Variants in MLIP observed in about 807,000 individuals in gnomAD.
The protein encoded by MLIP is muscular LMNA interacting protein, also known as muscular LMNA-interacting protein.
MLIP carries 79 observed loss-of-function variants against 84.8 expected under a neutral mutation model. The ratio of observed to expected loss-of-function variants is 0.93; its 90% CI spans 0.78 to 1.12. MLIP has a LOEUF of 1.12. Ranked by LOEUF, MLIP falls within the 50% of genes most tolerant of loss-of-function variation. MLIP has a pLI of 0.00. For synonymous variants in MLIP, 504 were observed against 463.0 expected (o/e 1.09, Z -1.14); for missense variants, 1,257 against 1,160.6 (o/e 1.08, Z -1.21).
At chr6:54,113,740 C>T (rs994105300) in intron 1 of MLIP, among the ~76,000 whole-genome samples, 4 of 152,076 alleles carry the variant, frequency 2.6e-5, no homozygotes, top group African/African-American at 9.7e-5. Flanking sequence ...TTAATAAACT[C>T]TCATATCATA....
At chr6:54,055,765 T>C (rs1266192282) in intron 1 of MLIP, among the ~76,000 whole-genome samples, 1 of 152,032 alleles carries the variant, frequency 6.6e-6, no homozygotes, top group Non-Finnish European at 1.5e-5. Flanking sequence ...AAATGGGGAA[T>C]ATTGGAAGGA....
chr6:54,156,143 C>T (rs535045520), intron 5 of MLIP, among the ~76,000 whole-genome samples: 72 of 151,816 alleles, frequency 4.7e-4, no homozygotes, highest in African/African-American at 1.6e-3. Context: ...AAATTTTGGA[C>T]GATAGAAAAA....
chr6:54,185,583 A>C (rs1777313385), intron 9 of MLIP, among the ~76,000 whole-genome samples: 1 of 152,204 alleles, frequency 6.6e-6, no homozygotes, highest in South Asian at 2.1e-4. Flanking sequence ...ATTTAGTACA[A>C]TATACTAAAA....
chr6:54,235,619 CCTAA>C (rs1781310773), intron 12 of MLIP, among the ~76,000 whole-genome samples: 1 of 152,108 alleles, frequency 6.6e-6, no homozygotes, highest in Non-Finnish European at 1.5e-5. Context: ...TCTACAACTA[CCTAA>C]CTTTTTCACT....
chr6:54,230,715 A>G lies in MLIP; in HGVS notation c.2720A>G (p.Asp907Gly), dbSNP rs766977276. 4 of 1,613,874 alleles carry G rather than the reference A, an allele frequency of 2.5e-6. No homozygotes were observed. The highest frequency in any genetic ancestry group is 2.7e-5 in the African/African-American group (2 of 75,002). ...EDNSDLFSEQ[D>G]VTVPPKPVSL... ...TATGCCTTTCTTCTTCCCCACCAGG[A>G]TGTAACAGTCCCTCCCAAGCCTGTC... Residue 907 changes from aspartate to glycine, a missense_variant and splice_region_variant, in exon 12 of 14, where the codon GAT becomes GGT. Coordinates refer to ENST00000502396, the MANE Select transcript of MLIP (RefSeq NM_001281747.2).
At chr6:54,216,560 A>T in intron 11 of MLIP, 1 of 982,828 alleles carries the variant, frequency 1.0e-6, no homozygotes, top group Non-Finnish European at 1.2e-6. Flanking sequence ...TTAAGCACTA[A>T]GTTATCCAAA....
At chr6:54,129,931 A>C (rs1771243504) in intron 3 of MLIP, among the ~76,000 whole-genome samples, 2 of 152,092 alleles carry the variant, frequency 1.3e-5, no homozygotes, top group Non-Finnish European at 2.9e-5. Flanking sequence ...GAGGCCCTAC[A>C]TTCTTTTAGG....
At chr6:54,233,955 G>A (rs1437917973) in intron 12 of MLIP, among the ~76,000 whole-genome samples, 2 of 152,134 alleles carry the variant, frequency 1.3e-5, no homozygotes, top group Non-Finnish European at 2.9e-5. Flanking sequence ...CAGTGATGAT[G>A]AGCTTTTCTT....
intron 1 of MLIP, among the ~76,000 whole-genome samples, chr6:54,074,344 T>C (rs955399684): frequency 6.6e-6 from 1 of 152,134 alleles, no homozygotes; most frequent in Non-Finnish European, 1.5e-5. Flanking sequence ...AGACTTGGTG[T>C]GGGAGGTGAG....
chr6:54,211,631 G>A (rs1217700721), intron 11 of MLIP, among the ~76,000 whole-genome samples: 2 of 152,228 alleles, frequency 1.3e-5, no homozygotes, highest in Non-Finnish European at 2.9e-5. Flanking sequence ...TCAGTGAAAT[G>A]AGGGGATGGC....
chr6:54,221,151 A>G (rs559291939), intron 11 of MLIP, among the ~76,000 whole-genome samples: 17 of 152,110 alleles, frequency 1.1e-4, no homozygotes, highest in Non-Finnish European at 2.2e-4. Flanking sequence ...GGCACAGACA[A>G]GTTGCCATGG....
intron 9 of MLIP, among the ~76,000 whole-genome samples, chr6:54,180,337 C>T (rs1427547552): frequency 6.6e-6 from 1 of 152,080 alleles, no homozygotes; most frequent in Non-Finnish European, 1.5e-5. Context: ...CTATAGCCTT[C>T]CTGTACTTGA....
intron 11 of MLIP, among the ~76,000 whole-genome samples, chr6:54,225,168 G>A (rs761267614): frequency 1.3e-5 from 2 of 152,174 alleles, no homozygotes; most frequent in South Asian, 2.1e-4. Context: ...TCTCCACGCT[G>A]TTTTCCATAG....
chr6:54,207,418 C>T (rs572258952), intron 11 of MLIP, among the ~76,000 whole-genome samples: 1 of 143,760 alleles, frequency 7.0e-6, no homozygotes, highest in East Asian at 2.2e-4. Context: ...CACCCCCCCC[C>T]CCTTTTTTGA....
chr6:54,228,038 C>T lies in MLIP; in HGVS notation c.2719-2676C>T, dbSNP rs191411591. On this transcript the variant is annotated intron_variant, in intron 11 of 13. Transcript: ENST00000502396. ...CTCTACTAAAAATACAAAAAATTAG[C>T]CGGGCGTGGTGGTGGGCGCCTGTAG... is the stretch of plus-strand genomic sequence containing the variant. Among the ~76,000 whole-genome samples the T allele has an allele frequency of 3.5e-4, 53 of 151,830 alleles. 1 individual carries two copies. The highest frequency in any genetic ancestry group is 6.6e-5 in the Admixed American group (1 of 15,256).
At chr6:54,036,241 GT>G (rs10558454) in intron 1 of MLIP, among the ~76,000 whole-genome samples, 104,146 of 141,550 alleles carry the variant, frequency 0.74, 39,786 homozygotes, top group Non-Finnish European at 0.86. Context: ...AGTCACCACT[GT>G]TTTTTTTTTT....
rs80229753 is a variant in MLIP at position 54,087,256 on chromosome 6, C to T, written c.64-34191C>T. Among the ~76,000 whole-genome samples the T allele has an allele frequency of 1.8e-3, 268 of 152,200 alleles. 5 individuals carry two copies. In the East Asian group the frequency reaches 0.04, roughly 23 times the overall value. ...GCTGTGCCTCTTCTGTGACTATGAG[C>T]GTAGAGGGCAAGGAGGTGTTACAAT... On this transcript the variant is annotated intron_variant, in intron 1 of 12. Transcript: ENST00000274897.
chr6:54,104,240 T>C (rs1183852775), intron 1 of MLIP, among the ~76,000 whole-genome samples: 1 of 152,170 alleles, frequency 6.6e-6, no homozygotes, highest in Non-Finnish European at 1.5e-5. Flanking sequence ...ATATTATAAG[T>C]AAATATTACA....
At position 54,137,950 on chromosome 6, in the gene MLIP, A is replaced by G. The variant is rs1034050000; in HGVS notation, c.1881A>G (p.Ala627=). 6.5e-7 allele frequency: 1 copy of G among 1,535,996 alleles called. No homozygotes were observed. The highest frequency in any genetic ancestry group is 8.7e-7 in the Non-Finnish European group (1 of 1,146,900). Residue 627 remains alanine (A), a synonymous_variant, in exon 4 of 14, where the codon GCA becomes GCG. Coordinates refer to ENST00000502396, the MANE Select transcript of MLIP (RefSeq NM_001281747.2). ...LSSLINRSKR[A]SSQLSGQELN... ...GCCTGATAAACAGATCTAAAAGAGC[A>G]TCATCCCAACTATCTGGCCAGGAGC... is the stretch of plus-strand genomic sequence containing the variant.
Sources: allele counts gnomAD v4.1 joint callset (sites outside exome capture counted in the v4.1 genomes callset), GRCh38; gene constraint gnomAD v4.1.1; transcripts MANE v1.5; gene names NCBI Gene and HGNC (gene_info 2026-07-23, HGNC 2026-07-21).